ATP8B2: variants seen among roughly 807,000 people sequenced by gnomAD.
The protein encoded by ATP8B2 is phospholipid-transporting ATPase ID.
ATP8B2 carries 70 observed loss-of-function variants against 133.4 expected under a neutral mutation model. That is an observed-to-expected ratio of 0.52 (90% CI 0.43 to 0.64). The LOEUF (loss-of-function observed/expected upper bound fraction) is 0.64. Among genes scored for constraint, ATP8B2 ranks in the 30% least tolerant of loss-of-function variants. The probability of loss-of-function intolerance (pLI) is 0.00; values close to 1 mark genes in which losing one functional copy is unlikely to be tolerated. For synonymous variants in ATP8B2, 517 were observed against 589.5 expected (o/e 0.88, Z 1.78); for missense variants, 1,101 against 1,535.7 (o/e 0.72, Z 4.73).
intron 12 of ATP8B2, among the ~76,000 whole-genome samples, chr1:154,339,068 T>C (rs994762278): frequency 6.6e-6 from 1 of 152,216 alleles, no homozygotes; most frequent in African/African-American, 2.4e-5. Context: ...TTTAAGGAAA[T>C]GTTTTATGGA....
At position 154,344,961 on chromosome 1, in the gene ATP8B2, T is replaced by A. The variant is rs1558274937; in HGVS notation, c.2287-10T>A. On this transcript the variant is annotated splice_polypyrimidine_tract_variant and intron_variant, in intron 21 of 27. Coordinates refer to ENST00000368489, the MANE Select transcript of ATP8B2 (RefSeq NM_001370597.1). The surrounding 1 kb of genome is among the most constrained non-coding windows in gnomAD (Gnocchi z 4.1). ...AAAGACTGGCTCTCTCAGGTTTCTC[T>A]GTGCTCCAGGCCCACGCACTGGAGG... 6.2e-7 allele frequency: 1 copy of A among 1,604,720 alleles called. No homozygotes were observed. The highest frequency in any genetic ancestry group is 8.5e-7 in the Non-Finnish European group (1 of 1,174,582).
Position 154,342,957 on chromosome 1 carries a change from C to G in ATP8B2, c.1449C>G (p.Asn483Lys). 1.2e-6 allele frequency: 2 copies of G among 1,613,870 alleles called. No individual in the cohort carries two copies. The highest frequency in any genetic ancestry group is 1.3e-5 in the African/African-American group (1 of 75,020). Reference sequence around the variant, plus strand: ...ATACTGTCATGTCAGAAGAAAAGAACGAAGGTGGGCCGAGGAGCCGGCTCG... The same window carrying G: ...ATACTGTCATGTCAGAAGAAAAGAAGGAAGGTGGGCCGAGGAGCCGGCTCG... ...LCHTVMSEEK[N>K]EGELYYKAQS... The change falls in exon 15 of 28, where the codon AAC (asparagine) becomes AAG (lysine). Residue 483 changes from asparagine to lysine, a missense_variant. Transcript: ENST00000368489.
Position 154,337,482 on chromosome 1 carries a change from C to T in ATP8B2, c.972C>T (p.Phe324=), listed in dbSNP as rs1257448437. ...EAVDSAFFSG[F]LSFWSYIIIL... ...TGGACAGTGCCTTCTTCTCTGGCTT[C>T]CTCTCCTTCTGGTCCTACATCATCA... The change falls in exon 12 of 28, where the codon TTC becomes TTT. Residue 324 remains phenylalanine (F), a synonymous_variant. Coordinates refer to ENST00000368489, the MANE Select transcript of ATP8B2 (RefSeq NM_001370597.1). 3.7e-6 allele frequency: 6 copies of T among 1,614,094 alleles called. No individual in the cohort carries two copies. Among genetic ancestry groups the T allele is most frequent in the Non-Finnish European group, 5.1e-6 (6 of 1,180,042 alleles).
In ATP8B2 at chr1:154,345,226, G is replaced by T; in HGVS notation, c.2470+72G>T. The T allele has an allele frequency of 6.2e-7, 1 of 1,600,390 alleles. No homozygotes were observed. Among genetic ancestry groups the T allele is most frequent in the Non-Finnish European group, 8.5e-7 (1 of 1,171,270 alleles). On this transcript the variant is annotated intron_variant, in intron 22 of 27. Coordinates refer to ENST00000368489, the MANE Select transcript of ATP8B2 (RefSeq NM_001370597.1). This position sits in a 1 kb window ranked among gnomAD's most constrained non-coding sequence, Gnocchi z 5.6. ...AGGGGCCCACTGAGGTCTCTGGACT[G>T]CAGAAGAATGACGGGAAGGGGGTTG...
chr1:154,346,230 G>A lies in ATP8B2; in HGVS notation c.2779-1G>A. The A allele has an allele frequency of 6.2e-7, 1 of 1,613,364 alleles. No individual in the cohort carries two copies. The highest frequency in any genetic ancestry group is 8.5e-7 in the Non-Finnish European group (1 of 1,179,822). ...CTATGCTACATGGTCCTCCCACACA[G>A]GATGTCCCCGAGCAGCGGAGCATGG... is the stretch of plus-strand genomic sequence containing the variant. On this transcript the variant is annotated splice_acceptor_variant, in intron 24 of 27. Transcript: ENST00000368489. LOFTEE classifies it high-confidence loss of function. This position sits in a 1 kb window ranked among gnomAD's most constrained non-coding sequence, Gnocchi z 4.5.
intron 9 of ATP8B2, among the ~76,000 whole-genome samples, chr1:154,333,204 T>G (rs1222175821): frequency 1.3e-5 from 2 of 152,116 alleles, no homozygotes; most frequent in Non-Finnish European, 2.9e-5. Context: ...TCCCAGCTAT[T>G]CAGGAAGCTG....
intron 11 of ATP8B2, 112 bp from the exon 12 acceptor site, chr1:154,337,226 GACAAGCTTGC>G (rs1244134601): frequency 1.7e-6 from 2 of 1,162,048 alleles, no homozygotes; most frequent in Non-Finnish European, 2.4e-6. Flanking sequence ...CCATGGGTTG[GACAAGCTTGC>G]ACTAGAGCAT....
At chr1:154,348,364 C>T in intron 26 of ATP8B2, 44 bp from the exon 27 acceptor site, 1 of 1,567,024 alleles carries the variant, frequency 6.4e-7, no homozygotes, top group Non-Finnish European at 8.7e-7. Flanking sequence ...CGGGGAATGT[C>T]TGCCTCGTGA....
rs770381848 is a variant in ATP8B2 at position 154,334,226 on chromosome 1, C to T, written c.709C>T (p.Arg237Ter). 1.9e-6 allele frequency: 3 copies of T among 1,614,134 alleles called. No individual in the cohort carries two copies. The highest frequency in any genetic ancestry group is 2.5e-6 in the Non-Finnish European group (3 of 1,180,026). ...QNMLLRGCVL[R>*]NTEWCFGLVI... ...CATGCTGCTGCGGGGCTGTGTGCTG[C>T]GAAACACCGAGTGGTGCTTCGGGCT... The change falls in exon 10 of 28, where the codon CGA (arginine) becomes TGA (stop). Residue 237 changes from arginine to a stop codon, truncating the protein, a stop_gained. Transcript: ENST00000368489. LOFTEE classifies it high-confidence loss of function. The surrounding 1 kb of genome is among the most constrained non-coding windows in gnomAD (Gnocchi z 4.6).
intron 11 of ATP8B2, among the ~76,000 whole-genome samples, chr1:154,335,704 A>G (rs1244274353): frequency 2.0e-5 from 3 of 149,482 alleles, no homozygotes; most frequent in Non-Finnish European, 4.4e-5. Context: ...AAAGAAATCT[A>G]CGTTTATGAA....
rs1686742429 is a variant in ATP8B2 at position 154,350,294 on chromosome 1, T to TTCCTGACC, written c.*1186_*1193dup. The TTCCTGACC allele has an allele frequency of 6.6e-6, 1 of 152,148 alleles. No homozygotes were observed. Among genetic ancestry groups the TTCCTGACC allele is most frequent in the Non-Finnish European group, 1.5e-5 (1 of 68,064 alleles). 9.4% of individuals were successfully genotyped at this position (152,148 alleles called of 1,614,324 possible). ...CCATGTTGGCCAGGCTAGTCTTGAA[T>TTCCTGACC]TCCTGACCTCCTGACCTGCCCACCT... On this transcript the variant is annotated 3_prime_UTR_variant, in exon 28 of 28. Coordinates refer to ENST00000368489, the MANE Select transcript of ATP8B2 (RefSeq NM_001370597.1).
In ATP8B2 at chr1:154,348,558, G is replaced by A. The variant is rs1342703820; in HGVS notation, c.3294+20G>A. ...GACACGGTGAGAAGCCAGGCTACCTGCTGTGGGAGGCAGAGATGGGGTGGC... is the reference window on the plus strand; with the variant it reads ...GACACGGTGAGAAGCCAGGCTACCTACTGTGGGAGGCAGAGATGGGGTGGC... On this transcript the variant is annotated intron_variant, in intron 27 of 27. Coordinates refer to ENST00000368489, the MANE Select transcript of ATP8B2 (RefSeq NM_001370597.1). The A allele has an allele frequency of 6.2e-7, 1 of 1,610,740 alleles. No individual in the cohort carries two copies. Among genetic ancestry groups the A allele is most frequent in the Admixed American group, 1.7e-5 (1 of 59,958 alleles).
Position 154,328,760 on chromosome 1 carries a change from C to A in ATP8B2, c.31+588C>A. On this transcript the variant is annotated intron_variant, in intron 2 of 27. Coordinates refer to ENST00000368489, the MANE Select transcript of ATP8B2 (RefSeq NM_001370597.1). This position sits in a 1 kb window ranked among gnomAD's most constrained non-coding sequence, Gnocchi z 4.6. ...GGGCCACTCAGCGCACGCTGGCATC[C>A]GCCGGGGGGCATGGGGGGCGGCGGC... is the stretch of plus-strand genomic sequence containing the variant. The A allele has an allele frequency of 2.0e-6, 2 of 994,578 alleles. No homozygotes were observed. The allele number at this position is 994,578 out of a possible 1,614,324, so 61.6% of individuals were successfully genotyped here.
intron 1 of ATP8B2, among the ~76,000 whole-genome samples, chr1:154,327,207 G>A (rs1445556072): frequency 6.6e-6 from 1 of 152,220 alleles, no homozygotes; most frequent in Non-Finnish European, 1.5e-5. Context: ...AAGAGGATGA[G>A]GAGGTGAAAG....
At position 154,343,321 on chromosome 1, in the gene ATP8B2, G is replaced by T. The variant is rs1463926897; in HGVS notation, c.1642+20G>T. 2 of 1,612,778 alleles carry T rather than the reference G, an allele frequency of 1.2e-6. No homozygotes were observed. Among genetic ancestry groups the T allele is most frequent in the African/African-American group, 2.7e-5 (2 of 74,880 alleles). ...TCATAGGTGAGGCCAGGCCTGGGGT[G>T]CTGGGGCGTTTGGGGACAGCATTCA... On this transcript the variant is annotated intron_variant, in intron 16 of 27. Transcript: ENST00000368489. This position sits in a 1 kb window ranked among gnomAD's most constrained non-coding sequence, Gnocchi z 5.8.
rs1196437659 is a variant in ATP8B2, at chr1:154,334,328, G to A, written c.748+63G>A. On this transcript the variant is annotated intron_variant, in intron 10 of 27. Coordinates refer to ENST00000368489, the MANE Select transcript of ATP8B2 (RefSeq NM_001370597.1). The surrounding 1 kb of genome is among the most constrained non-coding windows in gnomAD (Gnocchi z 4.6). The stretch of plus-strand genomic sequence containing the variant: ...TGACTCAGCCAGCCCTCACTCAGGA[G>A]TATGGGATGAGGTGGGAGAATACCT... The A allele has an allele frequency of 2.5e-6, 4 of 1,595,268 alleles. No homozygotes were observed. The highest frequency in any genetic ancestry group is 3.4e-6 in the Non-Finnish European group (4 of 1,166,282).
Position 154,337,363 on chromosome 1 carries a change from GT to G in ATP8B2, c.856del (p.Cys286AlafsTer4). The G allele has an allele frequency of 6.2e-7, 1 of 1,611,020 alleles. No individual in the cohort carries two copies. The highest frequency in any genetic ancestry group is 8.5e-7 in the Non-Finnish European group (1 of 1,178,020). On this transcript the variant is annotated frameshift_variant, in exon 12 of 28. Transcript: ENST00000368489. LOFTEE classifies it high-confidence loss of function. ...TCCTCCCCAGATTTTTGGATTCCTG[GT>G]TTGCATGGGGGTGATCCTGGCCATT... is the stretch of plus-strand genomic sequence containing the variant. Reference protein sequence around the residue: ...TLVLWIFGFLVCMGVILAIGN... With the variant: ...TLVLWIFGFLXCMGVILAIGN...
chr1:154,347,271 C>T (rs1482083167), intron 26 of ATP8B2, among the ~76,000 whole-genome samples: 1 of 152,120 alleles, frequency 6.6e-6, no homozygotes, highest in Non-Finnish European at 1.5e-5. Context: ...GAGGAAACAG[C>T]AATATAAAGG....
intron 11 of ATP8B2, among the ~76,000 whole-genome samples, chr1:154,335,652 C>T (rs1686152904): frequency 6.6e-6 from 1 of 151,874 alleles, no homozygotes; most frequent in Non-Finnish European, 1.5e-5. Context: ...GATCATGCCA[C>T]TGCACTCCAG....
Sources: allele counts gnomAD v4.1 joint callset (sites outside exome capture counted in the v4.1 genomes callset), GRCh38; gene constraint gnomAD v4.1.1; non-coding constraint Gnocchi (gnomAD v3.1); transcripts MANE v1.5; gene names NCBI Gene and HGNC (gene_info 2026-07-23, HGNC 2026-07-21).